The following PTPRN2 variants were observed in gnomAD, a reference collection of about 807,000 sequenced individuals.
PTPRN2 encodes the protein protein tyrosine phosphatase receptor type N2.
Under a neutral mutation model 118.8 loss-of-function variants are expected in PTPRN2, and 74 were observed. The observed-to-expected ratio is 0.62, with a 90% CI of 0.52 to 0.76. PTPRN2 has a LOEUF of 0.76. Ranked by LOEUF, PTPRN2 falls within the 30% of genes least tolerant of loss-of-function variation. The pLI, the probability that PTPRN2 is intolerant of heterozygous loss-of-function variation, is 0.00. For missense variants in PTPRN2, 1,481 were observed against 1,394.4 expected, an observed-to-expected ratio of 1.06 and a Z score of -0.99; for synonymous variants, 641 against 608.0, an observed-to-expected ratio of 1.05 and a Z score of -0.80.
At chr7:158,275,930 T>C (rs1313664426) in intron 3 of PTPRN2, among the ~76,000 whole-genome samples, 1 of 152,186 alleles carries the variant, frequency 6.6e-6, no homozygotes, top group African/African-American at 2.4e-5. Context: ...AACAGTGAAT[T>C]TGTATTTGCA....
intron 1 of PTPRN2, among the ~76,000 whole-genome samples, chr7:158,532,089 A>G (rs1260976625): frequency 6.6e-6 from 1 of 152,230 alleles, no homozygotes; most frequent in African/African-American, 2.4e-5. Context: ...ACAAAGTCAG[A>G]AAGGGGCGTG....
chr7:157,963,688 C>CA (rs1445098229), intron 11 of PTPRN2, among the ~76,000 whole-genome samples: 2 of 152,222 alleles, frequency 1.3e-5, no homozygotes, highest in Non-Finnish European at 2.9e-5. Context: ...GTCATGCCCT[C>CA]ACCCCATCCC....
chr7:158,057,126 G>A (rs941837911), intron 11 of PTPRN2, among the ~76,000 whole-genome samples: 1 of 152,220 alleles, frequency 6.6e-6, no homozygotes, highest in Non-Finnish European at 1.5e-5. Context: ...GGACGCGGGA[G>A]CATCTATCAT....
At chr7:158,557,692 G>A (rs550371941) in intron 1 of PTPRN2, among the ~76,000 whole-genome samples, 69 of 152,338 alleles carry the variant, frequency 4.5e-4, no homozygotes, top group African/African-American at 1.6e-3. Flanking sequence ...GATTTCTAAA[G>A]CTCCTCCTCT....
chr7:158,242,107 G>A (rs189864563), intron 3 of PTPRN2, among the ~76,000 whole-genome samples: 184 of 152,296 alleles, frequency 1.2e-3, no homozygotes, highest in African/African-American at 4.2e-3. Context: ...CCATGCTAGT[G>A]GCTCCTAGCA....
rs1248333642 is a variant in PTPRN2 at position 157,784,827 on chromosome 7, G to A, written c.1789-101890C>T. On this transcript the variant is annotated intron_variant, in intron 12 of 22. Transcript: ENST00000389418. This position sits in a 1 kb window ranked among gnomAD's most constrained non-coding sequence, Gnocchi z 4.6. ...AGGAAATGAACCCATCGTGTGGGGC[G>A]ACATAGGGGCCCAGGGGGCCTGGAC... 2.6e-5 allele frequency among the ~76,000 whole-genome samples: 4 copies of A among 152,138 alleles called. No individual in the cohort carries two copies. The highest frequency in any genetic ancestry group is 1.3e-4 in the Admixed American group (2 of 15,286).
Position 157,785,492 on chromosome 7 carries a change from G to A in PTPRN2, c.1789-102555C>T, listed in dbSNP as rs1443401957. 1.3e-5 allele frequency among the ~76,000 whole-genome samples: 2 copies of A among 152,158 alleles called. No individual in the cohort carries two copies. The highest frequency in any genetic ancestry group is 4.1e-4 in the South Asian group (2 of 4,822). ...CTCCCAGACTAGAGCCAGCACTCGC[G>A]GGCAGGCCTCCCCAGGACCAGAGCG... On this transcript the variant is annotated intron_variant, in intron 12 of 22. Transcript: ENST00000389418. The surrounding 1 kb of genome is among the most constrained non-coding windows in gnomAD (Gnocchi z 7.3).
At chr7:157,756,606 T>C (rs1164312719) in intron 12 of PTPRN2, among the ~76,000 whole-genome samples, 1 of 152,184 alleles carries the variant, frequency 6.6e-6, no homozygotes, top group African/African-American at 2.4e-5. Context: ...CCTCCTGTTT[T>C]GTGGAGTAGC....
chr7:157,735,267 A>G (rs904165937), intron 12 of PTPRN2, among the ~76,000 whole-genome samples: 14 of 152,214 alleles, frequency 9.2e-5, no homozygotes, highest in African/African-American at 1.9e-4. Flanking sequence ...AGATCCATCG[A>G]ATGTATTGTT....
In PTPRN2 at chr7:157,813,930, C is replaced by T. The variant is rs904576927; in HGVS notation, c.1788+84743G>A. Among the ~76,000 whole-genome samples, 10 of 152,242 alleles carry T rather than the reference C, an allele frequency of 6.6e-5. No homozygotes were observed. The highest frequency in any genetic ancestry group is 1.2e-4 in the African/African-American group (5 of 41,472). On this transcript the variant is annotated intron_variant, in intron 12 of 22. Transcript: ENST00000389418. This position sits in a 1 kb window ranked among gnomAD's most constrained non-coding sequence, Gnocchi z 4.7. ...CTGCTGGTGACCCCGGGGACCCCGC[C>T]GTGAGAGCCCCGACACAAGTCGCGG...
intron 2 of PTPRN2, among the ~76,000 whole-genome samples, chr7:158,481,896 T>TG (rs1820673794): frequency 6.6e-6 from 1 of 152,206 alleles, no homozygotes; most frequent in African/African-American, 2.4e-5. Context: ...TGAGAACACT[T>TG]GCGATTCATG....
intron 2 of PTPRN2, among the ~76,000 whole-genome samples, chr7:158,318,748 AC>A (rs1437041293): frequency 2.0e-5 from 3 of 151,996 alleles, no homozygotes; most frequent in African/African-American, 7.3e-5. Context: ...TGGAAAATGC[AC>A]CCCCGGGGTG....
chr7:158,409,395 T>TGGACCTACCCA (rs908197176), intron 2 of PTPRN2, among the ~76,000 whole-genome samples: 2 of 152,168 alleles, frequency 1.3e-5, no homozygotes, highest in African/African-American at 4.8e-5. Flanking sequence ...GGCATAAGCG[T>TGGACCTACCCA]GGACCTACCC....
At chr7:157,556,602 C>T (rs888393974) in intron 21 of PTPRN2, among the ~76,000 whole-genome samples, 4 of 150,768 alleles carry the variant, frequency 2.7e-5, no homozygotes, top group Non-Finnish European at 5.9e-5. Flanking sequence ...CATCCAAACA[C>T]ACACACCCCA....
chr7:157,984,971 C>G (rs1803662433), intron 11 of PTPRN2, among the ~76,000 whole-genome samples: 1 of 152,178 alleles, frequency 6.6e-6, no homozygotes, highest in Non-Finnish European at 1.5e-5. Flanking sequence ...GTGCTACTCC[C>G]CTGGCTGAGC....
intron 1 of PTPRN2, among the ~76,000 whole-genome samples, chr7:158,578,610 G>A (rs1828469100): frequency 6.6e-6 from 1 of 151,504 alleles, no homozygotes; most frequent in South Asian, 2.1e-4. Flanking sequence ...ATTGAGTGAT[G>A]CCGACTGTTG....
chr7:157,803,412 C>A (rs1454864678), intron 12 of PTPRN2, among the ~76,000 whole-genome samples: 1 of 152,244 alleles, frequency 6.6e-6, no homozygotes, highest in Non-Finnish European at 1.5e-5. Flanking sequence ...GATTGTTTCC[C>A]TGCTGATGCA....
intron 1 of PTPRN2, among the ~76,000 whole-genome samples, chr7:158,583,690 C>T (rs752035338): frequency 1.3e-5 from 2 of 152,208 alleles, no homozygotes; most frequent in Non-Finnish European, 2.9e-5. Context: ...TTGTCTGGCA[C>T]CTCCTTCTTC....
chr7:157,682,612 C>T (rs1206256672), intron 13 of PTPRN2, 113 bp downstream of exon 13: 22 of 1,143,848 alleles, frequency 1.9e-5, no homozygotes, highest in Non-Finnish European at 2.7e-5. Context: ...AGACCCCAAA[C>T]TATGATACAG....
Sources: allele counts gnomAD v4.1 joint callset (sites outside exome capture counted in the v4.1 genomes callset), GRCh38; gene constraint gnomAD v4.1.1; non-coding constraint Gnocchi (gnomAD v3.1); transcripts MANE v1.5; gene names NCBI Gene and HGNC (gene_info 2026-07-23, HGNC 2026-07-21).